CDK12: variants seen among roughly 807,000 people sequenced by gnomAD.
CDK12 encodes the protein cyclin-dependent kinase 12.
Under a neutral mutation model 133.8 loss-of-function variants are expected in CDK12, and 17 were observed. The observed-to-expected ratio is 0.13, with a 90% CI of 0.09 to 0.19. The LOEUF (loss-of-function observed/expected upper bound fraction) is 0.19. Ranked by LOEUF, CDK12 falls within the 10% of genes least tolerant of loss-of-function variation. CDK12 has a pLI of 1.00. For missense variants in CDK12, 1,508 were observed against 1,818.7 expected (o/e 0.83, Z 3.11); for synonymous variants, 694 against 683.6 (o/e 1.02, Z -0.24).
intron 3 of CDK12, among the ~76,000 whole-genome samples, chr17:39,562,902 C>CTTTTTTTTTT (rs59852699): frequency 3.4e-4 from 31 of 92,334 alleles, no homozygotes; most frequent in East Asian, 9.7e-4. Flanking sequence ...TTTTTCTTTT[C>CTTTTTTTTTT]TTTTTTTTTT....
chr17:39,492,648 A>G (rs974974639), intron 3 of CDK12, 103 bp from the exon 4 acceptor site: 37 of 738,660 alleles, frequency 5.0e-5, no homozygotes, highest in Non-Finnish European at 7.6e-5. Flanking sequence ...TGACCTCGTG[A>G]TCTGCCAGCC....
Position 39,476,715 on chromosome 17 carries a change from T to TTTTTTTTTTC in CDK12, c.1931+4961_1931+4962insCTTTTTTTTT, listed in dbSNP as rs1567696786. ...GGCATGAGCCACCATGCCTGCCTTT[T>TTTTTTTTTTC]TTTTTTTTTTTTTTTTTTTTTTTTT... is the stretch of plus-strand genomic sequence containing the variant. On this transcript the variant is annotated intron_variant, in intron 2 of 13. Coordinates refer to ENST00000447079, the MANE Select transcript of CDK12 (RefSeq NM_016507.4). Among the ~76,000 whole-genome samples, 32 of 98,392 alleles carry TTTTTTTTTTC rather than the reference T, an allele frequency of 3.3e-4. 2 individuals carry two copies. The highest frequency in any genetic ancestry group is 1.3e-3 in the African/African-American group (31 of 23,228). 64.5% of individuals were successfully genotyped at this position (98,392 alleles called of 152,430 possible).
chr17:39,462,036 G>T lies in CDK12; in HGVS notation c.-36G>T. On this transcript the variant is annotated 5_prime_UTR_variant, in exon 1 of 14. Transcript: ENST00000447079. Reference sequence around the variant, plus strand: ...GGGGGTTGCTTTTTGGAGTGCTGGGGAACTTTTTTCCCTTCTTCAGGTCAG... The same window carrying T: ...GGGGGTTGCTTTTTGGAGTGCTGGGTAACTTTTTTCCCTTCTTCAGGTCAG... The T allele has an allele frequency of 1.3e-6, 2 of 1,571,216 alleles. No homozygotes were observed. Among genetic ancestry groups the T allele is most frequent in the Non-Finnish European group, 1.7e-6 (2 of 1,149,386 alleles).
chr17:39,492,002 C>T (rs1415403911), intron 3 of CDK12, among the ~76,000 whole-genome samples: 1 of 144,964 alleles, frequency 6.9e-6, no homozygotes, highest in Non-Finnish European at 1.5e-5. Flanking sequence ...TGGCGCCTGC[C>T]TGTAGAGTAC....
At chr17:39,476,369 A>G (rs150207435) in intron 2 of CDK12, among the ~76,000 whole-genome samples, 15 of 152,050 alleles carry the variant, frequency 9.9e-5, no homozygotes, top group Admixed American at 7.9e-4. Flanking sequence ...TCAGCCTCCC[A>G]AAGTACTGAG....
downstream of CDK12, among the ~76,000 whole-genome samples, chr17:39,566,687 T>C (rs909241032): frequency 6.6e-6 from 1 of 151,708 alleles, no homozygotes; most frequent in African/African-American, 2.4e-5. Context: ...GCAGCCCCCC[T>C]CCCCAACTCC....
chr17:39,531,966 T>C lies in CDK12; in HGVS notation c.*650T>C, dbSNP rs551202214. ...CCAAATAAATTACTCATCCTTAAAG[T>C]TTACTCCACTTTGACAAAAGATACG... On this transcript the variant is annotated 3_prime_UTR_variant, in exon 14 of 14. Coordinates refer to ENST00000447079, the MANE Select transcript of CDK12 (RefSeq NM_016507.4). 2.7e-4 allele frequency: 64 copies of C among 233,818 alleles called. No homozygotes were observed. Among genetic ancestry groups the C allele is most frequent in the African/African-American group, 1.2e-3 (54 of 45,450 alleles). 14.5% of individuals were successfully genotyped at this position (233,818 alleles called of 1,614,324 possible).
At position 39,511,510 on chromosome 17, in the gene CDK12, G is replaced by C. The variant is rs995597601; in HGVS notation, c.2667-19G>C. ...GAAGCCACTGTAAGTTTATGTCATGGTTGTTTTTTATATTTCAGTCGCCCT... is the reference window on the plus strand; with the variant it reads ...GAAGCCACTGTAAGTTTATGTCATGCTTGTTTTTTATATTTCAGTCGCCCT... On this transcript the variant is annotated intron_variant, in intron 7 of 13. Transcript: ENST00000447079. 2 of 1,504,252 alleles carry C rather than the reference G, an allele frequency of 1.3e-6. No individual in the cohort carries two copies. The highest frequency in any genetic ancestry group is 1.8e-6 in the Non-Finnish European group (2 of 1,087,004). 93.2% of individuals were successfully genotyped at this position (1,504,252 alleles called of 1,614,324 possible). A position where few individuals can be genotyped will look rare whatever the true frequency, so the allele number is the denominator to read the frequency against.
At chr17:39,561,524 G>A (rs188882122) in intron 3 of CDK12, among the ~76,000 whole-genome samples, 48 of 152,258 alleles carry the variant, frequency 3.2e-4, no homozygotes, top group Admixed American at 7.2e-4. Context: ...AAATTGTTTT[G>A]TCTGTCACTC....
intron 2 of CDK12, among the ~76,000 whole-genome samples, chr17:39,482,599 A>ATTTGTTTTTTTTTT (rs2050801075): frequency 1.3e-5 from 1 of 74,392 alleles, no homozygotes; most frequent in Non-Finnish European, 2.6e-5. Context: ...AATCAACTAC[A>ATTTGTTTTTTTTTT]TTTTTTTTTT....
intron 6 of CDK12, among the ~76,000 whole-genome samples, chr17:39,503,009 G>A (rs2052834917): frequency 6.6e-6 from 1 of 152,036 alleles, no homozygotes; most frequent in African/African-American, 2.4e-5. Context: ...AACCCAGGAG[G>A]TAGAGGTTAC....
At chr17:39,511,698 T>A in intron 8 of CDK12, 68 bp downstream of exon 8, 1 of 974,658 alleles carries the variant, frequency 1.0e-6, no homozygotes, top group Non-Finnish European at 1.6e-6. Flanking sequence ...TTGTTTTCTC[T>A]GTACACTGGC....
chr17:39,520,197 C>G, intron 11 of CDK12, 110 bp downstream of exon 11: 2 of 1,138,010 alleles, frequency 1.8e-6, no homozygotes, highest in South Asian at 1.5e-5. Flanking sequence ...GAAGAGGTGT[C>G]TTTGAGTATT....
chr17:39,482,876 A>G (rs2050827637), intron 2 of CDK12, among the ~76,000 whole-genome samples: 1 of 150,354 alleles, frequency 6.7e-6, no homozygotes, highest in Non-Finnish European at 1.5e-5. Context: ...TGCTGGGATT[A>G]CAGGTGAGAG....
chr17:39,524,015 C>T (rs1422777353), intron 11 of CDK12, among the ~76,000 whole-genome samples: 1 of 152,152 alleles, frequency 6.6e-6, no homozygotes, highest in Non-Finnish European at 1.5e-5. Context: ...AAGGGTTTTA[C>T]TGAAATTTGG....
chr17:39,556,330 C>G (rs1179716052), exon 3 of CDK12: 1 of 152,460 alleles, frequency 6.6e-6, no homozygotes, highest in African/African-American at 2.4e-5. Flanking sequence ...CCTCGGTCAC[C>G]ACCCTGACCC....
chr17:39,515,708 CCT>C (rs2053760045), intron 8 of CDK12, 21 bp from the exon 9 acceptor site: 12 of 1,519,588 alleles, frequency 7.9e-6, no homozygotes, highest in Non-Finnish European at 1.1e-5. Flanking sequence ...TCTCTTCTGA[CCT>C]CTCAATTTTA....
chr17:39,467,488 C>A (rs1473599668), intron 1 of CDK12, among the ~76,000 whole-genome samples: 1 of 152,096 alleles, frequency 6.6e-6, no homozygotes, highest in African/African-American at 2.4e-5. Flanking sequence ...CCGCTTTTTT[C>A]TAGAAGAGTG....
intron 2 of CDK12, among the ~76,000 whole-genome samples, chr17:39,489,781 C>T (rs992824774): frequency 6.1e-5 from 9 of 147,030 alleles, no homozygotes; most frequent in South Asian, 2.3e-4. Context: ...CTTGAGCCAC[C>T]GTGCCTGGCC....
Sources: allele counts gnomAD v4.1 joint callset (sites outside exome capture counted in the v4.1 genomes callset), GRCh38; gene constraint gnomAD v4.1.1; transcripts MANE v1.5; gene names NCBI Gene and HGNC (gene_info 2026-07-23, HGNC 2026-07-21).